Variants in EFCAB6 observed in about 807,000 individuals in gnomAD.
EFCAB6 encodes EF-hand calcium binding domain 6, also known as EF-hand calcium-binding domain-containing protein 6.
EFCAB6 carries 156 observed loss-of-function variants against 169.8 expected under a neutral mutation model. The ratio of observed to expected loss-of-function variants is 0.92; its 90% CI spans 0.81 to 1.05. The LOEUF (loss-of-function observed/expected upper bound fraction) is 1.05, where lower values mean the gene tolerates loss of function less well. Ranked by LOEUF, EFCAB6 falls within the 50% of genes least tolerant of loss-of-function variation. The pLI is 0.00. For missense variants in EFCAB6, 1,800 were observed against 1,829.1 expected (o/e 0.98, Z 0.29); for synonymous variants, 698 against 676.4 (o/e 1.03, Z -0.50).
At chr22:43,598,322 A>AAAAAAAAAAAAAAAAAAAC (rs2052204703) in intron 23 of EFCAB6, among the ~76,000 whole-genome samples, 3 of 130,238 alleles carry the variant, frequency 2.3e-5, no homozygotes, top group Admixed American at 8.9e-5. Context: ...AAAAAAAAAA[A>AAAAAAAAAAAAAAAAAAAC]AAAAAAAAAA....
At position 43,580,493 on chromosome 22, in the gene EFCAB6, C is replaced by A; in HGVS notation, c.3199G>T (p.Val1067Phe). ...GACAAAGCCAGCTGGGAGGACTCAA[C>A]TACTTCCTGGATCTTCCTCACAGCC... ...QEAVRKIQEV[V>F]ESSQLALSTA... is the part of the protein sequence containing the mutation. Residue 1067 changes from valine (V) to phenylalanine (F), a missense_variant, in exon 25 of 32, where the codon GTT becomes TTT. Val to Phe is a conservative substitution (Grantham distance 50). Transcript: ENST00000262726. 6.2e-7 allele frequency: 1 copy of A among 1,614,164 alleles called. No individual in the cohort carries two copies. Among genetic ancestry groups the A allele is most frequent in the Non-Finnish European group, 8.5e-7 (1 of 1,180,032 alleles).
intron 17 of EFCAB6, among the ~76,000 whole-genome samples, chr22:43,637,376 C>T (rs923212319): frequency 2.0e-4 from 31 of 152,318 alleles, no homozygotes; most frequent in Admixed American, 1.7e-3. Context: ...TTTTGGTATT[C>T]GGGAAGAGGA....
chr22:43,599,434 C>A (rs9614448), intron 23 of EFCAB6, among the ~76,000 whole-genome samples: 2 of 134,840 alleles, frequency 1.5e-5, no homozygotes, highest in Non-Finnish European at 3.1e-5. Context: ...CGCTTGAACC[C>A]GGGAGGTGGA....
At chr22:43,677,607 C>A (rs1248459288) in intron 13 of EFCAB6, among the ~76,000 whole-genome samples, 1 of 152,142 alleles carries the variant, frequency 6.6e-6, no homozygotes, top group Admixed American at 6.5e-5. Context: ...GATCATGCCA[C>A]TGCACTCCAG....
chr22:43,781,724 ATGT>A (rs2061827850), intron 3 of EFCAB6, among the ~76,000 whole-genome samples: 1 of 152,168 alleles, frequency 6.6e-6, no homozygotes, highest in African/African-American at 2.4e-5. Context: ...AGTAAAAATA[ATGT>A]TATCAGTATG....
Position 43,622,261 on chromosome 22 carries a change from T to G in EFCAB6, c.2465+4186A>C, listed in dbSNP as rs1602672472. Reference sequence around the variant, plus strand: ...TGTCTTACAAAATAAATCACTTATTTTCTTTATAAAATAAAGCTCATTCTG... The same window carrying G: ...TGTCTTACAAAATAAATCACTTATTGTCTTTATAAAATAAAGCTCATTCTG... On this transcript the variant is annotated intron_variant, in intron 20 of 31. Coordinates refer to ENST00000262726, the MANE Select transcript of EFCAB6 (RefSeq NM_022785.4). 2.6e-5 allele frequency among the ~76,000 whole-genome samples: 4 copies of G among 152,332 alleles called. No homozygotes were observed. In the East Asian group the frequency reaches 7.7e-4, roughly 29 times the overall value.
chr22:43,698,700 G>T (rs2147249987), intron 10 of EFCAB6, among the ~76,000 whole-genome samples: 1 of 152,276 alleles, frequency 6.6e-6, no homozygotes, highest in Middle Eastern at 3.4e-3. Context: ...AGCTGTGGTG[G>T]CCCAATAAAG....
chr22:43,559,113 C>T (rs1030418258), intron 26 of EFCAB6, among the ~76,000 whole-genome samples: 9 of 152,066 alleles, frequency 5.9e-5, no homozygotes, highest in African/African-American at 2.2e-4. Context: ...TGCAATCTAC[C>T]CATCGGACAA....
intron 23 of EFCAB6, among the ~76,000 whole-genome samples, chr22:43,595,378 C>T (rs1313512666): frequency 4.6e-5 from 7 of 151,446 alleles, no homozygotes; most frequent in Admixed American, 4.6e-4. Context: ...TTTAGCTAGA[C>T]TATGAAAAAA....
chr22:43,540,366 G>A lies in EFCAB6; in HGVS notation c.3649-9C>T, dbSNP rs1283030361. ...TTCCAGAGTCTGTCAAACTGGAGAA[G>A]GAGCAGAAGTCATTTCCCAGGTGTC... On this transcript the variant is annotated splice_polypyrimidine_tract_variant and intron_variant, in intron 27 of 31. Coordinates refer to ENST00000262726, the MANE Select transcript of EFCAB6 (RefSeq NM_022785.4). 1.2e-6 allele frequency: 2 copies of A among 1,613,938 alleles called. No homozygotes were observed. Among genetic ancestry groups the A allele is most frequent in the Admixed American group, 1.7e-5 (1 of 60,030 alleles).
rs746497257 is a variant in EFCAB6 at position 43,765,367 on chromosome 22, T to C, written c.378A>G (p.Val126=). Residue 126 remains valine, a synonymous_variant, in exon 5 of 32, where the codon GTA becomes GTG. Transcript: ENST00000262726. The part of the protein sequence containing the change: ...AQIPLSTSGT[V]PYLAFLSRFG... The stretch of plus-strand genomic sequence containing the variant: ...ACCTGGACAGAAAGGCAAGGTACGG[T>C]ACAGTACCAGAGGTGCTAAGGGGGA... 6 of 1,612,604 alleles carry C rather than the reference T, an allele frequency of 3.7e-6. No individual in the cohort carries two copies. The highest frequency in any genetic ancestry group is 1.1e-5 in the South Asian group (1 of 91,044).
chr22:43,538,203 C>T (rs1164678959), intron 28 of EFCAB6, among the ~76,000 whole-genome samples: 1 of 152,076 alleles, frequency 6.6e-6, no homozygotes, highest in Non-Finnish European at 1.5e-5. Context: ...AGCCTGAACC[C>T]TTAGAAGTCT....
At chr22:43,578,467 C>T in intron 25 of EFCAB6, among the ~76,000 whole-genome samples, 1 of 152,068 alleles carries the variant, frequency 6.6e-6, no homozygotes, top group Non-Finnish European at 1.5e-5. Context: ...TCCGACGCTG[C>T]CTTGTTCTCT....
intron 2 of EFCAB6, among the ~76,000 whole-genome samples, chr22:43,790,625 G>C (rs1245624399): frequency 1.3e-5 from 2 of 152,232 alleles, no homozygotes; most frequent in Non-Finnish European, 2.9e-5. Context: ...TTGCAGGCCA[G>C]TGTGAGGCTT....
intron 27 of EFCAB6, 24 bp downstream of exon 27, chr22:43,554,845 T>A: frequency 6.2e-7 from 1 of 1,607,634 alleles, no homozygotes; most frequent in Admixed American, 1.7e-5. Context: ...GTGTGCAGGG[T>A]GAGGACTGAC....
In EFCAB6 at chr22:43,767,967, G is replaced by A. The variant is rs570043588; in HGVS notation, c.352-2574C>T. 3.3e-5 allele frequency among the ~76,000 whole-genome samples: 5 copies of A among 152,272 alleles called. No individual in the cohort carries two copies. The East Asian group carries it at 7.7e-4, about 23-fold the overall frequency. The stretch of plus-strand genomic sequence containing the variant: ...CATCTATAGACGAATTGCTGAAAGC[G>A]AATTCTTAAGGGTGGGGCTGGAGGA... On this transcript the variant is annotated intron_variant, in intron 4 of 31. Coordinates refer to ENST00000262726, the MANE Select transcript of EFCAB6 (RefSeq NM_022785.4).
In EFCAB6 at chr22:43,577,924, A is replaced by G. The variant is rs182845338; in HGVS notation, c.3229-1436T>C. Among the ~76,000 whole-genome samples the G allele has an allele frequency of 5.9e-5, 9 of 151,990 alleles. No individual in the cohort carries two copies. The East Asian group carries it at 1.7e-3, about 29-fold the overall frequency. On this transcript the variant is annotated intron_variant, in intron 25 of 31. Transcript: ENST00000262726. ...TTTAAAATAGATCTCAGGAGTGGAG[A>G]GTGAGTGATTCCCACCTCCAAGAGT...
Position 43,600,257 on chromosome 22 carries a change from GTCGTA to G in EFCAB6, c.2683_2687del (p.Tyr895HisfsTer19), listed in dbSNP as rs2052399017. ...AAGTAATGTGCCCTTTTCCCTCGGT[GTCGTA>G]TCTTAAAACAAAAACAAAAACAGAA... On this transcript the variant is annotated frameshift_variant and splice_region_variant, in exon 23 of 32. Coordinates refer to ENST00000262726, the MANE Select transcript of EFCAB6 (RefSeq NM_022785.4). LOFTEE classifies it high-confidence loss of function. The G allele has an allele frequency of 1.2e-6, 2 of 1,613,602 alleles. No homozygotes were observed. The highest frequency in any genetic ancestry group is 3.3e-5 in the Admixed American group (2 of 59,894).
chr22:43,665,708 C>T (rs959914969), intron 17 of EFCAB6, among the ~76,000 whole-genome samples: 5 of 152,230 alleles, frequency 3.3e-5, no homozygotes, highest in African/African-American at 1.2e-4. Flanking sequence ...TAATCAAAAT[C>T]ATCAATGACT....
Sources: gnomAD v4.1 joint callset for allele counts (sites outside exome capture counted in the v4.1 genomes callset) on GRCh38, gnomAD v4.1.1 for gene constraint, MANE v1.5 for transcripts, NCBI Gene and HGNC (gene_info 2026-07-23, HGNC 2026-07-21) for gene names.